The following RALYL variants were observed in gnomAD, a reference collection of about 807,000 sequenced individuals.
RALYL encodes RNA-binding Raly-like protein.
RALYL carries 29 observed loss-of-function variants against 35.1 expected under a neutral mutation model. The ratio of observed to expected loss-of-function variants is 0.83; its 90% CI spans 0.61 to 1.13. The LOEUF (loss-of-function observed/expected upper bound fraction) is 1.13, where lower values mean the gene tolerates loss of function less well. Among genes scored for constraint, RALYL ranks in the 50% most tolerant of loss-of-function variants. The pLI is 0.00. For missense variants in RALYL, 359 were observed against 360.4 expected, an observed-to-expected ratio of 1.00 and a Z score of 0.03; for synonymous variants, 120 against 127.6, an observed-to-expected ratio of 0.94 and a Z score of 0.40.
chr8:84,722,053 C>A (rs1157458484), intron 2 of RALYL, among the ~76,000 whole-genome samples: 2 of 151,914 alleles, frequency 1.3e-5, no homozygotes, highest in African/African-American at 4.8e-5. Flanking sequence ...ATAATGAATG[C>A]CACACATTAA....
chr8:84,901,276 T>C (rs1289145079), intron 8 of RALYL, among the ~76,000 whole-genome samples: 1 of 152,140 alleles, frequency 6.6e-6, no homozygotes, highest in Admixed American at 6.5e-5. Flanking sequence ...GTCTAAAGTT[T>C]TGTCAAGCCC....
chr8:84,327,241 T>C (rs901007457), intron 1 of RALYL, among the ~76,000 whole-genome samples: 18 of 151,878 alleles, frequency 1.2e-4, no homozygotes, highest in African/African-American at 4.4e-4. Context: ...CACTTGTAAA[T>C]GATTTTGAGT....
chr8:84,902,644 T>C (rs1845886895), intron 8 of RALYL, among the ~76,000 whole-genome samples: 1 of 152,162 alleles, frequency 6.6e-6, no homozygotes, highest in Non-Finnish European at 1.5e-5. Flanking sequence ...TTGCCTTTTA[T>C]AATGGAGAAA....
At chr8:84,318,186 G>A (rs1844119177) in intron 1 of RALYL, among the ~76,000 whole-genome samples, 1 of 151,082 alleles carries the variant, frequency 6.6e-6, no homozygotes, top group Non-Finnish European at 1.5e-5. Flanking sequence ...CAACAGTAGA[G>A]TATCAAATTC....
intron 2 of RALYL, among the ~76,000 whole-genome samples, chr8:84,702,500 A>T (rs1840362623): frequency 6.6e-6 from 1 of 151,592 alleles, no homozygotes; most frequent in African/African-American, 2.4e-5. Flanking sequence ...ATGTATATTT[A>T]GCATAGGGCT....
chr8:84,267,095 C>A (rs958992913), intron 1 of RALYL, among the ~76,000 whole-genome samples: 1 of 152,082 alleles, frequency 6.6e-6, no homozygotes, highest in Non-Finnish European at 1.5e-5. Context: ...TTATTCACTC[C>A]CAGAGCAGAT....
intron 8 of RALYL, among the ~76,000 whole-genome samples, chr8:84,896,553 GTCTTGCGTGA>G (rs541608374): frequency 1.4e-3 from 218 of 152,140 alleles, no homozygotes; most frequent in African/African-American, 5.0e-3. Context: ...GATCTACAAA[GTCTTGCGTGA>G]TCTGGCCCCT....
At chr8:84,796,673 G>T (rs1256271666) in intron 3 of RALYL, among the ~76,000 whole-genome samples, 1 of 152,162 alleles carries the variant, frequency 6.6e-6, no homozygotes. Flanking sequence ...TCATATGGAT[G>T]TGTTTAGATT....
At chr8:84,432,713 T>C (rs1281037528) in intron 1 of RALYL, among the ~76,000 whole-genome samples, 2 of 151,954 alleles carry the variant, frequency 1.3e-5, no homozygotes. Context: ...TATAAGACAA[T>C]GTGAATTTAC....
intron 2 of RALYL, among the ~76,000 whole-genome samples, chr8:84,645,588 C>A (rs917720738): frequency 6.6e-6 from 1 of 151,750 alleles, no homozygotes; most frequent in Non-Finnish European, 1.5e-5. Context: ...TTCTTTTACC[C>A]AAGATTAAGA....
intron 1 of RALYL, among the ~76,000 whole-genome samples, chr8:84,425,258 C>T (rs1369733341): frequency 5.9e-5 from 9 of 152,084 alleles, no homozygotes; most frequent in Non-Finnish European, 1.2e-4. Flanking sequence ...CGTGGTGCGC[C>T]GTTTTTTAAG....
At chr8:84,250,181 TCAAA>T (rs1320660812) in intron 1 of RALYL, among the ~76,000 whole-genome samples, 1 of 152,054 alleles carries the variant, frequency 6.6e-6, no homozygotes, top group Non-Finnish European at 1.5e-5. Context: ...ATTATGGCCG[TCAAA>T]CAGCGGTTCA....
intron 1 of RALYL, among the ~76,000 whole-genome samples, chr8:84,226,035 T>G (rs948132454): frequency 2.6e-5 from 4 of 152,204 alleles, no homozygotes; most frequent in African/African-American, 9.6e-5. Context: ...GGACCAGTAC[T>G]GGTCTGTGGC....
At chr8:84,425,485 T>A (rs987282994) in intron 1 of RALYL, among the ~76,000 whole-genome samples, 1 of 152,130 alleles carries the variant, frequency 6.6e-6, no homozygotes, top group African/African-American at 2.4e-5. Context: ...GTACCTCAGA[T>A]GGAAATGCAG....
At chr8:84,571,559 C>A (rs1457568937) in intron 2 of RALYL, among the ~76,000 whole-genome samples, 2 of 151,726 alleles carry the variant, frequency 1.3e-5, no homozygotes, top group South Asian at 2.1e-4. Context: ...TTCAAAGAAC[C>A]AACTTTTTCT....
chr8:84,389,036 G>A (rs1351450798), intron 1 of RALYL, among the ~76,000 whole-genome samples: 1 of 152,104 alleles, frequency 6.6e-6, no homozygotes, highest in Non-Finnish European at 1.5e-5. Flanking sequence ...GTAATGAAGG[G>A]ATCCAGTTTC....
chr8:84,553,446 T>C (rs1187035808), intron 2 of RALYL, among the ~76,000 whole-genome samples: 2 of 152,184 alleles, frequency 1.3e-5, no homozygotes, highest in Non-Finnish European at 2.9e-5. Context: ...TGTGAGCCAC[T>C]GTCCCCAGCC....
chr8:84,235,671 T>C (rs973704953), intron 1 of RALYL, among the ~76,000 whole-genome samples: 14 of 152,322 alleles, frequency 9.2e-5, no homozygotes, highest in African/African-American at 3.1e-4. Flanking sequence ...AGTAATATTT[T>C]TAGTACATAC....
intron 2 of RALYL, among the ~76,000 whole-genome samples, chr8:84,544,243 G>A (rs1485702208): frequency 6.6e-6 from 1 of 151,748 alleles, no homozygotes; most frequent in East Asian, 1.9e-4. Context: ...ATACTTACAC[G>A]ATTCCAAAAT....
Sources: allele counts gnomAD v4.1 joint callset (sites outside exome capture counted in the v4.1 genomes callset), GRCh38; gene constraint gnomAD v4.1.1; transcripts MANE v1.5; gene names NCBI Gene and HGNC (gene_info 2026-07-23, HGNC 2026-07-21).